SCRN1: variants seen among roughly 807,000 people sequenced by gnomAD.
The protein encoded by SCRN1 is secernin 1, also known as secernin-1.
In SCRN1, 19 loss-of-function variants were observed where a neutral mutation model predicts 43.3. The ratio of observed to expected loss-of-function variants is 0.44; its 90% CI spans 0.31 to 0.64. The LOEUF (loss-of-function observed/expected upper bound fraction) is 0.64. Among genes scored for constraint, SCRN1 ranks in the 30% least tolerant of loss-of-function variants. The pLI is 0.09. For missense variants in SCRN1, 447 were observed against 524.1 expected, an observed-to-expected ratio of 0.85 and a Z score of 1.44; for synonymous variants, 183 against 188.9, an observed-to-expected ratio of 0.97 and a Z score of 0.26.
At chr7:29,941,072 T>C (rs528533393) in intron 4 of SCRN1, among the ~76,000 whole-genome samples, 196 bp from the exon 5 acceptor site, 1 of 152,342 alleles carries the variant, frequency 6.6e-6, no homozygotes, top group East Asian at 1.9e-4. Context: ...TGACCAGTCT[T>C]GACTGGGCAT....
At chr7:29,972,535 G>C (rs1463887756) in intron 1 of SCRN1, among the ~76,000 whole-genome samples, 1 of 152,178 alleles carries the variant, frequency 6.6e-6, no homozygotes, top group Non-Finnish European at 1.5e-5. Flanking sequence ...GGGGTATGTG[G>C]GCCAAGGGAG....
chr7:29,953,244 A>T (rs1221842651), intron 3 of SCRN1, among the ~76,000 whole-genome samples: 1 of 152,220 alleles, frequency 6.6e-6, no homozygotes, highest in Admixed American at 6.5e-5. Flanking sequence ...TATTCTTAAA[A>T]TTTCCATTGC....
chr7:29,944,637 T>C (rs1277372780), intron 3 of SCRN1, among the ~76,000 whole-genome samples: 2 of 134,582 alleles, frequency 1.5e-5, no homozygotes, highest in African/African-American at 2.9e-5. Flanking sequence ...CACTCCAGTC[T>C]GGGCATCAGA....
rs1173891332 is a variant in SCRN1 at position 29,920,669 on chromosome 7, T to C, written c.*3288A>G. 6.6e-6 allele frequency: 1 copy of C among 152,186 alleles called. No individual in the cohort carries two copies. Among genetic ancestry groups the C allele is most frequent in the Non-Finnish European group, 1.5e-5 (1 of 68,068 alleles). 9.4% of individuals were successfully genotyped at this position (152,186 alleles called of 1,614,324 possible). A position where few individuals can be genotyped will look rare whatever the true frequency, so the allele number is the denominator to read the frequency against. ...GCTCTTCAGTCAGGAATGCAGTTAG[T>C]GGTTTCATGACAGACACACTGGTCC... On this transcript the variant is annotated 3_prime_UTR_variant, in exon 8 of 8. Transcript: ENST00000242059.
chr7:29,979,140 G>C (rs1028978869), intron 1 of SCRN1, among the ~76,000 whole-genome samples: 3 of 152,116 alleles, frequency 2.0e-5, no homozygotes, highest in African/African-American at 7.2e-5. Context: ...TGAGGCGGGC[G>C]GGTCACAAGG....
chr7:29,963,849 T>C (rs1340776336), intron 2 of SCRN1, among the ~76,000 whole-genome samples: 1 of 152,222 alleles, frequency 6.6e-6, no homozygotes, highest in Non-Finnish European at 1.5e-5. Flanking sequence ...GAAAAATCTT[T>C]AGAAAATGTT....
intron 1 of SCRN1, chr7:29,989,080 G>T (rs901878049): frequency 7.9e-5 from 12 of 152,078 alleles, no homozygotes; most frequent in African/African-American, 2.9e-4. Flanking sequence ...ACCCAGGGGC[G>T]GCCCGCGCGC....
Position 29,940,875 on chromosome 7 carries a change from C to G in SCRN1, c.546G>C (p.Glu182Asp), listed in dbSNP as rs751377402. Residue 182 changes from glutamate to aspartate, a missense_variant and splice_region_variant, in exon 5 of 8, where the codon GAG (glutamate) becomes GAC (aspartate). Glu to Asp is a conservative substitution (Grantham distance 45). Transcript: ENST00000242059. ...GKYWAAEKVT[E>D]GVRCICSQLS... ...GCTGACTGCAAATGCACCTCACTCC[C>G]TCTGCAGAGAGTGCAAAGCCCCATA... 1 of 1,519,762 alleles carries G rather than the reference C, an allele frequency of 6.6e-7. No individual in the cohort carries two copies. The allele number at this position is 1,519,762 out of a possible 1,614,324, so 94.1% of individuals were successfully genotyped here.
intron 7 of SCRN1, 58 bp from the exon 8 acceptor site, chr7:29,924,173 G>A: frequency 6.5e-7 from 1 of 1,549,174 alleles, no homozygotes; most frequent in Non-Finnish European, 8.7e-7. Context: ...CATTGCAGCG[G>A]ACACTGAAAC....
At chr7:29,951,127 G>A (rs1397238781) in intron 3 of SCRN1, among the ~76,000 whole-genome samples, 1 of 152,244 alleles carries the variant, frequency 6.6e-6, no homozygotes, top group Non-Finnish European at 1.5e-5. Context: ...TTGGGGCTCT[G>A]CAGTTCCTGG....
chr7:29,952,379 A>G (rs4722964), intron 3 of SCRN1, among the ~76,000 whole-genome samples: 122,231 of 152,202 alleles, frequency 0.8, 49,192 homozygotes, highest in East Asian at 0.94. Flanking sequence ...AATTAATACT[A>G]GAATTAAATC....
At chr7:29,934,963 C>G (rs1472502636) in intron 6 of SCRN1, among the ~76,000 whole-genome samples, 6 of 152,214 alleles carry the variant, frequency 3.9e-5, no homozygotes, top group Non-Finnish European at 8.8e-5. Context: ...ATGTGCCGTC[C>G]TCTCCACCCA....
rs11981528 is a variant in SCRN1, at chr7:29,930,606, C to T, written c.906-3974G>A. Among the ~76,000 whole-genome samples, 1,056 of 152,292 alleles carry T rather than the reference C, an allele frequency of 6.9e-3. 12 individuals are homozygous for T. Among genetic ancestry groups the T allele is most frequent in the African/African-American group, 0.024 (1,014 of 41,566 alleles). ...CCATTTCATCACATGCATGGGACGC[C>T]CCCGAGTGTCCCGTGGATGGCTTGG... is the stretch of plus-strand genomic sequence containing the variant. On this transcript the variant is annotated intron_variant, in intron 6 of 7. Transcript: ENST00000242059.
rs1168105246 is a variant in SCRN1 at position 29,965,636 on chromosome 7, A to T, written c.159+3273T>A. 6.6e-6 allele frequency among the ~76,000 whole-genome samples: 1 copy of T among 152,208 alleles called. No individual in the cohort carries two copies. Among genetic ancestry groups the T allele is most frequent in the Non-Finnish European group, 1.5e-5 (1 of 68,034 alleles). On this transcript the variant is annotated intron_variant, in intron 2 of 7. Transcript: ENST00000242059. This position sits in a 1 kb window ranked among gnomAD's most constrained non-coding sequence, Gnocchi z 4.2. Reference sequence around the variant, plus strand: ...TTCACCTGCAGAATATGCAAGTGGGAACGCAAAGAGGCAGCTCAAAACACA... The same window carrying T: ...TTCACCTGCAGAATATGCAAGTGGGTACGCAAAGAGGCAGCTCAAAACACA...
chr7:29,989,774 C>A lies in SCRN1; in HGVS notation c.-134G>T. 2.0e-6 allele frequency: 2 copies of A among 986,590 alleles called. No homozygotes were observed. The highest frequency in any genetic ancestry group is 2.4e-6 in the Non-Finnish European group (2 of 830,942). The allele number at this position is 986,590 out of a possible 1,614,324, so 61.1% of individuals were successfully genotyped here. A position where few individuals can be genotyped will look rare whatever the true frequency, so the allele number is the denominator to read the frequency against. On this transcript the variant is annotated 5_prime_UTR_variant, in exon 1 of 8. Transcript: ENST00000242059. ...CTGCAGCTGCAGTGGCGGAGGCGGC[C>A]GCCGGGCGCTTCCCCCTACCCAGAC...
intron 3 of SCRN1, chr7:29,947,142 C>G: frequency 1.3e-6 from 2 of 1,531,218 alleles, no homozygotes; most frequent in Non-Finnish European, 1.8e-6. Flanking sequence ...TAACATCTAT[C>G]TTCTGTGCAG....
intron 1 of SCRN1, among the ~76,000 whole-genome samples, chr7:29,970,181 TC>T (rs1472072444): frequency 6.6e-6 from 1 of 152,224 alleles, no homozygotes; most frequent in Non-Finnish European, 1.5e-5. Flanking sequence ...TTAAAATACT[TC>T]AGCAGTTTCC....
Position 29,969,049 on chromosome 7 carries a change from T to A in SCRN1, c.19A>T (p.Ser7Cys), listed in dbSNP as rs145849289. 2 of 1,613,074 alleles carry A rather than the reference T, an allele frequency of 1.2e-6. No individual in the cohort carries two copies. Among genetic ancestry groups the A allele is most frequent in the Non-Finnish European group, 1.7e-6 (2 of 1,179,700 alleles). The change falls in exon 2 of 8, where the codon AGT (serine) becomes TGT (cysteine). Residue 7 changes from serine (S) to cysteine (C), a missense_variant. Ser to Cys is a moderately radical substitution (Grantham distance 112). Transcript: ENST00000242059. ...GGAGGGAAGGCAACAAAACAGTAAC[T>A]TGGAGGAGCTGCAGCCATCCTGAAA... Reference protein sequence around the residue: MAAAPPSYCFVAFPPRA... With the variant: MAAAPPCYCFVAFPPRA...
Position 29,932,651 on chromosome 7 carries a change from C to CAAAAAAAAA in SCRN1, c.905+3896_905+3904dup, listed in dbSNP as rs1162835669. Among the ~76,000 whole-genome samples, 12 of 8,048 alleles carry CAAAAAAAAA rather than the reference C, an allele frequency of 1.5e-3. 2 individuals are homozygous for CAAAAAAAAA. The highest frequency in any genetic ancestry group is 5.1e-3 in the African/African-American group (12 of 2,362). 5.3% of individuals were successfully genotyped at this position (8,048 alleles called of 152,430 possible). On this transcript the variant is annotated intron_variant, in intron 6 of 7. Coordinates refer to ENST00000242059, the MANE Select transcript of SCRN1 (RefSeq NM_014766.5). ...TAGGTAACAGAGTGAGATTCCATCT[C>CAAAAAAAAA]AAAAAAAAAAAAAAAAAAAAAAAAA... is the stretch of plus-strand genomic sequence containing the variant.
Sources: allele counts gnomAD v4.1 joint callset (sites outside exome capture counted in the v4.1 genomes callset), GRCh38; gene constraint gnomAD v4.1.1; non-coding constraint Gnocchi (gnomAD v3.1); transcripts MANE v1.5; gene names NCBI Gene and HGNC (gene_info 2026-07-23, HGNC 2026-07-21).